Variants in BBOF1 observed in about 807,000 individuals in gnomAD.
The protein encoded by BBOF1 is basal body orientation factor 1, also known as basal body-orientation factor 1.
In BBOF1, 62 loss-of-function variants were observed where a neutral mutation model predicts 68.0. That is an observed-to-expected ratio of 0.91 (90% CI 0.74 to 1.13). The LOEUF (loss-of-function observed/expected upper bound fraction) is 1.13. BBOF1 is among the 50% of genes most tolerant of loss of function. The pLI is 0.00. For synonymous variants in BBOF1, 208 were observed against 198.8 expected, an observed-to-expected ratio of 1.05 and a Z score of -0.39; for missense variants, 534 against 600.1, an observed-to-expected ratio of 0.89 and a Z score of 1.15.
intron 8 of BBOF1, among the ~76,000 whole-genome samples, chr14:74,053,948 C>T (rs1370957902): frequency 1.3e-5 from 2 of 152,044 alleles, no homozygotes; most frequent in African/African-American, 4.8e-5. Flanking sequence ...AATCTCGGCT[C>T]ACTGCAAGAT....
intron 3 of BBOF1, among the ~76,000 whole-genome samples, chr14:74,030,550 C>T (rs1231651400): frequency 6.6e-6 from 1 of 151,832 alleles, no homozygotes; most frequent in Non-Finnish European, 1.5e-5. Flanking sequence ...GGCTGGAGTG[C>T]AGTGGCGCAA....
At chr14:74,073,593 C>G (rs1198156735) in intron 9 of BBOF1, among the ~76,000 whole-genome samples, 1 of 152,122 alleles carries the variant, frequency 6.6e-6, no homozygotes, top group Non-Finnish European at 1.5e-5. Flanking sequence ...CTGACTGTTA[C>G]ATTACTGTGA....
intron 4 of BBOF1, among the ~76,000 whole-genome samples, chr14:74,040,303 A>C (rs570081835): frequency 5.6e-4 from 85 of 152,276 alleles, no homozygotes; most frequent in Non-Finnish European, 1.0e-3. Context: ...AATATTTTTG[A>C]AAAATCATTG....
intron 10 of BBOF1, chr14:74,080,936 C>T (rs1156412555): frequency 3.3e-5 from 5 of 152,260 alleles, no homozygotes; most frequent in Admixed American, 3.3e-4. Flanking sequence ...ACATAACTGG[C>T]TACTTTCCTC....
In BBOF1 at chr14:74,061,984, CG is replaced by C. The variant is rs369666113; in HGVS notation, c.1579-2702del. On this transcript the variant is annotated intron_variant, in intron 11 of 11. Coordinates refer to ENST00000394009, the MANE Select transcript of BBOF1 (RefSeq NM_025057.3). ...CAGCACTTTGGGAGGCTGAGGTAGG[CG>C]GATCACTTGAGGCCATGAGCTCAAG... 5.8e-3 allele frequency among the ~76,000 whole-genome samples: 792 copies of C among 135,548 alleles called. 8 individuals carry two copies. Among genetic ancestry groups the C allele is most frequent in the African/African-American group, 0.021 (770 of 36,174 alleles). The allele number at this position is 135,548 out of a possible 152,430, so 88.9% of individuals were successfully genotyped here. A position where few individuals can be genotyped will look rare whatever the true frequency, so the allele number is the denominator to read the frequency against.
At chr14:74,032,603 C>T (rs752759366) in intron 3 of BBOF1, among the ~76,000 whole-genome samples, 2 of 151,364 alleles carry the variant, frequency 1.3e-5, no homozygotes, top group African/African-American at 2.4e-5. Flanking sequence ...AATTGATTCT[C>T]CTGCCTCAGC....
At chr14:74,025,726 A>T (rs529431242) in intron 2 of BBOF1, among the ~76,000 whole-genome samples, 1 of 152,282 alleles carries the variant, frequency 6.6e-6, no homozygotes, top group Admixed American at 6.5e-5. Flanking sequence ...TGTGTCAACA[A>T]CCATGTCAAC....
Position 74,049,715 on chromosome 14 carries a change from T to C in BBOF1, c.806T>C (p.Leu269Pro). ...TTCTGTTTTTAGGAGATCAATGATC[T>C]GTTGGTTAAGGAAAAGATTATGCAA... is the stretch of plus-strand genomic sequence containing the variant. ...LLLHQKEIND[L>P]LVKEKIMQLV... Residue 269 changes from leucine (L) to proline (P), a missense_variant, in exon 8 of 12, where the codon CTG (leucine) becomes CCG (proline). Leu to Pro is a moderately conservative substitution (Grantham distance 98, BLOSUM62 -3). Transcript: ENST00000394009. 1 of 1,600,958 alleles carries C rather than the reference T, an allele frequency of 6.2e-7. No individual in the cohort carries two copies. The highest frequency in any genetic ancestry group is 8.5e-7 in the Non-Finnish European group (1 of 1,174,992).
chr14:74,054,037 G>C (rs7359110), intron 8 of BBOF1, among the ~76,000 whole-genome samples: 2,831 of 152,138 alleles, frequency 0.019, 56 homozygotes, highest in African/African-American at 0.051. Context: ...ACCATGCCCG[G>C]CTAATTTTTT....
intron 2 of BBOF1, among the ~76,000 whole-genome samples, chr14:74,024,180 T>A (rs2059372375): frequency 6.6e-6 from 1 of 152,076 alleles, no homozygotes; most frequent in African/African-American, 2.4e-5. Flanking sequence ...AAATTCAGGC[T>A]GGGTGTGGTA....
At chr14:74,075,100 T>A in intron 9 of BBOF1, 5 of 1,250,138 alleles carry the variant, frequency 4.0e-6, no homozygotes, top group Non-Finnish European at 5.8e-6. Context: ...ATATGCTATT[T>A]GCTATAGTAT....
In BBOF1 at chr14:74,065,216, C is replaced by T. The variant is rs574769742; in HGVS notation, c.*517C>T. On this transcript the variant is annotated 3_prime_UTR_variant, in exon 12 of 12. Coordinates refer to ENST00000394009, the MANE Select transcript of BBOF1 (RefSeq NM_025057.3). ...TCCACCAAGTGGGCATATTTCCGAG[C>T]AGTGGCTCCATTGGTGGTGAAGATG... 1.2e-6 allele frequency: 2 copies of T among 1,614,162 alleles called. No homozygotes were observed. Among genetic ancestry groups the T allele is most frequent in the South Asian group, 1.1e-5 (1 of 91,086 alleles).
At chr14:74,039,034 A>G (rs1460786299) in intron 4 of BBOF1, among the ~76,000 whole-genome samples, 1 of 152,236 alleles carries the variant, frequency 6.6e-6, no homozygotes, top group African/African-American at 2.4e-5. Context: ...TGACAAAATG[A>G]TAATACTCAT....
chr14:74,023,219 G>C, intron 2 of BBOF1, 75 bp downstream of exon 2: 1 of 819,024 alleles, frequency 1.2e-6, no homozygotes. Flanking sequence ...GTATTTCAAA[G>C]ATTTTTAATT....
At chr14:74,039,709 A>T (rs1177065051) in intron 4 of BBOF1, among the ~76,000 whole-genome samples, 2 of 151,924 alleles carry the variant, frequency 1.3e-5, no homozygotes, top group East Asian at 3.9e-4. Context: ...AAGTACTGGG[A>T]TTACAGGCAT....
chr14:74,074,935 T>C, intron 9 of BBOF1: 1 of 1,612,442 alleles, frequency 6.2e-7, no homozygotes, highest in South Asian at 1.1e-5. Flanking sequence ...GAAGTCAACC[T>C]CTATGCCAAA....
Position 74,065,370 on chromosome 14 carries a change from G to GTGA in BBOF1, c.*674_*676dup. ...AACAGGTCATATTTGGCTGCCAGGA[G>GTGA]TGATGCATCCAGAAAAGAAGTCAGC... On this transcript the variant is annotated 3_prime_UTR_variant, in exon 12 of 12. Coordinates refer to ENST00000394009, the MANE Select transcript of BBOF1 (RefSeq NM_025057.3). 3.1e-6 allele frequency: 5 copies of GTGA among 1,613,584 alleles called. No homozygotes were observed. The highest frequency in any genetic ancestry group is 4.2e-6 in the Non-Finnish European group (5 of 1,179,886).
At chr14:74,075,567 G>GGATTGCTT (rs1438603820) in intron 9 of BBOF1, among the ~76,000 whole-genome samples, 1 of 151,984 alleles carries the variant, frequency 6.6e-6, no homozygotes, top group African/African-American at 2.4e-5. Flanking sequence ...CAAGGTGGGA[G>GGATTGCTT]GATTGCTTCA....
At chr14:74,030,636 C>T (rs1431689589) in intron 3 of BBOF1, among the ~76,000 whole-genome samples, 1 of 151,908 alleles carries the variant, frequency 6.6e-6, no homozygotes, top group East Asian at 1.9e-4. Context: ...GCTGGGACTA[C>T]AGGCACCTAC....
Sources: gnomAD v4.1 joint callset for allele counts (sites outside exome capture counted in the v4.1 genomes callset) on GRCh38, gnomAD v4.1.1 for gene constraint, MANE v1.5 for transcripts, NCBI Gene and HGNC (gene_info 2026-07-23, HGNC 2026-07-21) for gene names.